Variants in EIF2AK4 observed in about 807,000 individuals in gnomAD.
EIF2AK4 encodes eIF-2-alpha kinase GCN2.
EIF2AK4 carries 139 observed loss-of-function variants against 211.1 expected under a neutral mutation model. That is an observed-to-expected ratio of 0.66 (90% CI 0.57 to 0.76). The LOEUF (loss-of-function observed/expected upper bound fraction) is 0.76. EIF2AK4 is among the 30% of genes least tolerant of loss of function. The pLI, the probability that EIF2AK4 is intolerant of heterozygous loss-of-function variation, is 0.00. For synonymous variants in EIF2AK4, 710 were observed against 751.3 expected (o/e 0.94, Z 0.90); for missense variants, 1,664 against 2,043.8 (o/e 0.81, Z 3.58).
chr15:40,022,502 A>G lies in EIF2AK4; in HGVS notation c.4303-17A>G, dbSNP rs760531067. Reference sequence around the variant, plus strand: ...GTGCTCTGTGTTTATTTTCTTTACTATGTTTGTTTGTTTCAGTCCCAAGAG... The same window carrying G: ...GTGCTCTGTGTTTATTTTCTTTACTGTGTTTGTTTGTTTCAGTCCCAAGAG... On this transcript the variant is annotated splice_polypyrimidine_tract_variant and intron_variant, in intron 31 of 38. Coordinates refer to ENST00000263791, the MANE Select transcript of EIF2AK4 (RefSeq NM_001013703.4). 1 of 1,605,708 alleles carries G rather than the reference A, an allele frequency of 6.2e-7. No homozygotes were observed.
chr15:39,950,063 A>C (rs1176559083), intron 4 of EIF2AK4, among the ~76,000 whole-genome samples: 3 of 151,966 alleles, frequency 2.0e-5, no homozygotes, highest in African/African-American at 4.8e-5. Flanking sequence ...ACTTTAATCA[A>C]CTTATCTAGA....
intron 4 of EIF2AK4, among the ~76,000 whole-genome samples, chr15:39,953,243 C>G (rs1595545503): frequency 6.6e-6 from 1 of 152,196 alleles, no homozygotes; most frequent in East Asian, 1.9e-4. Context: ...TGACATACTG[C>G]TATAGCTACC....
At chr15:40,029,376 C>A (rs373613351) in intron 33 of EIF2AK4, 30 bp from the exon 34 acceptor site, 2 of 1,610,346 alleles carry the variant, frequency 1.2e-6, no homozygotes, top group African/African-American at 2.7e-5. Context: ...ATTGACTGTT[C>A]TTTAATTGTT....
intron 8 of EIF2AK4, among the ~76,000 whole-genome samples, chr15:39,966,278 TG>T (rs766838886): frequency 1.0e-3 from 155 of 152,236 alleles, no homozygotes; most frequent in Non-Finnish European, 1.7e-3. Flanking sequence ...GAGACCAGTC[TG>T]GGCAACATGG....
chr15:39,981,608 CTTTT>C (rs58381652), intron 13 of EIF2AK4, among the ~76,000 whole-genome samples: 3 of 146,902 alleles, frequency 2.0e-5, no homozygotes, highest in African/African-American at 7.5e-5. Context: ...CAGAGCAGAG[CTTTT>C]TTTTTTTTCT....
At position 39,967,013 on chromosome 15, in the gene EIF2AK4, T is replaced by C. The variant is rs375370956; in HGVS notation, c.1018-331T>C. On this transcript the variant is annotated intron_variant, in intron 8 of 38. Coordinates refer to ENST00000263791, the MANE Select transcript of EIF2AK4 (RefSeq NM_001013703.4). Reference sequence around the variant, plus strand: ...TAAAGTTTGTTTTTTCTAGTGGCTATACCTCAAAAGAATTTTATTTTAAAA... The same window carrying C: ...TAAAGTTTGTTTTTTCTAGTGGCTACACCTCAAAAGAATTTTATTTTAAAA... Among the ~76,000 whole-genome samples the C allele has an allele frequency of 1.1e-4, 16 of 152,346 alleles. 1 individual carries two copies. The East Asian group carries it at 3.1e-3, about 29-fold the overall frequency.
rs145628327 is a variant in EIF2AK4 at position 40,008,856 on chromosome 15, G to A, written c.3576+661G>A. 1.8e-3 allele frequency among the ~76,000 whole-genome samples: 268 copies of A among 152,236 alleles called. 2 individuals carry two copies. The highest frequency in any genetic ancestry group is 6.2e-3 in the African/African-American group (258 of 41,538). On this transcript the variant is annotated intron_variant, in intron 25 of 38. Coordinates refer to ENST00000263791, the MANE Select transcript of EIF2AK4 (RefSeq NM_001013703.4). ...CATGTGTTTTTAGGGCAGAGCCTACGAGTCCGCTTTGCCATATACCCCCAT... is the reference window on the plus strand; with the variant it reads ...CATGTGTTTTTAGGGCAGAGCCTACAAGTCCGCTTTGCCATATACCCCCAT...
At chr15:39,938,848 T>G (rs2034104270) in intron 1 of EIF2AK4, among the ~76,000 whole-genome samples, 1 of 152,240 alleles carries the variant, frequency 6.6e-6, no homozygotes, top group African/African-American at 2.4e-5. Context: ...AGACTCCCCT[T>G]GTTCATTATA....
intron 29 of EIF2AK4, 42 bp from the exon 30 acceptor site, chr15:40,019,051 C>A (rs1387805078): frequency 1.0e-5 from 15 of 1,428,656 alleles, no homozygotes; most frequent in Non-Finnish European, 1.4e-5. Flanking sequence ...ATCACAGTTT[C>A]TTTCCTATTT....
intron 1 of EIF2AK4, among the ~76,000 whole-genome samples, chr15:39,938,809 G>A (rs759553068): frequency 2.0e-5 from 3 of 152,158 alleles, no homozygotes; most frequent in African/African-American, 7.2e-5. Context: ...CCTGGACCAT[G>A]GGAGCGCTCA....
chr15:40,034,818 G>A (rs984668463), intron 38 of EIF2AK4, among the ~76,000 whole-genome samples: 1 of 152,198 alleles, frequency 6.6e-6, no homozygotes, highest in Non-Finnish European at 1.5e-5. Flanking sequence ...GGAAGCCTAT[G>A]AGGTGAATGG....
At chr15:39,995,424 C>T (rs986399677) in intron 18 of EIF2AK4, among the ~76,000 whole-genome samples, 5 of 146,816 alleles carry the variant, frequency 3.4e-5, no homozygotes, top group African/African-American at 4.9e-5. Context: ...GCTCTACACC[C>T]TGCACCTCTG....
At chr15:40,002,609 C>A in intron 21 of EIF2AK4, 104 bp from the exon 22 acceptor site, 1 of 1,215,484 alleles carries the variant, frequency 8.2e-7, no homozygotes, top group Non-Finnish European at 1.2e-6. Context: ...TTTTTTGAAC[C>A]TGGAAATAAG....
chr15:39,947,283 AG>A (rs1297028756), intron 3 of EIF2AK4, among the ~76,000 whole-genome samples: 1 of 152,236 alleles, frequency 6.6e-6, no homozygotes, highest in African/African-American at 2.4e-5. Flanking sequence ...AGCATGGCAT[AG>A]GGATTCATCT....
intron 27 of EIF2AK4, among the ~76,000 whole-genome samples, chr15:40,014,459 G>T (rs537539321): frequency 2.0e-5 from 3 of 152,358 alleles, no homozygotes; most frequent in African/African-American, 7.2e-5. Context: ...AGCTGCCAAA[G>T]CTTGGGGCTT....
intron 9 of EIF2AK4, 59 bp downstream of exon 9, chr15:39,967,938 G>A (rs2034568401): frequency 6.5e-7 from 1 of 1,543,904 alleles, no homozygotes; most frequent in Non-Finnish European, 8.8e-7. Flanking sequence ...TGATTGTGCT[G>A]GAGTGTGCCA....
chr15:39,968,901 T>C (rs1033238778), intron 9 of EIF2AK4, among the ~76,000 whole-genome samples: 2 of 135,002 alleles, frequency 1.5e-5, no homozygotes, highest in African/African-American at 2.7e-5. Context: ...TACACACACA[T>C]ACATACAGTT....
chr15:39,975,704 G>A (rs2034684483), intron 11 of EIF2AK4, among the ~76,000 whole-genome samples: 1 of 152,174 alleles, frequency 6.6e-6, no homozygotes, highest in Non-Finnish European at 1.5e-5. Context: ...TAATTGTATT[G>A]TTCTGGTTTC....
intron 29 of EIF2AK4, among the ~76,000 whole-genome samples, 155 bp downstream of exon 29, chr15:40,017,397 T>C (rs1472262156): frequency 2.6e-5 from 4 of 151,272 alleles, no homozygotes; most frequent in African/African-American, 9.7e-5. Flanking sequence ...AGAAATATAA[T>C]GTGAACCACA....
Sources: allele counts gnomAD v4.1 joint callset (sites outside exome capture counted in the v4.1 genomes callset), GRCh38; gene constraint gnomAD v4.1.1; transcripts MANE v1.5; gene names NCBI Gene and HGNC (gene_info 2026-07-23, HGNC 2026-07-21).